Variants in TMOD1 observed in about 807,000 individuals in gnomAD.
TMOD1 encodes the protein tropomodulin 1, also known as tropomodulin-1.
TMOD1 carries 17 observed loss-of-function variants against 40.6 expected under a neutral mutation model. That is an observed-to-expected ratio of 0.42 (90% CI 0.29 to 0.63). The LOEUF (loss-of-function observed/expected upper bound fraction) is 0.63. Among genes scored for constraint, TMOD1 ranks in the 20% least tolerant of loss-of-function variants. The probability of loss-of-function intolerance (pLI) is 0.22; values close to 1 mark genes in which losing one functional copy is unlikely to be tolerated. For missense variants in TMOD1, 391 were observed against 447.6 expected (o/e 0.87, Z 1.14); for synonymous variants, 181 against 175.0 (o/e 1.03, Z -0.27).
intron 2 of TMOD1, among the ~76,000 whole-genome samples, chr9:97,538,044 G>T (rs1830210729): frequency 6.6e-6 from 1 of 152,128 alleles, no homozygotes; most frequent in South Asian, 2.1e-4. Flanking sequence ...AAACTGAGCA[G>T]ATCTAATAAC....
chr9:97,564,529 G>A (rs992208056), intron 6 of TMOD1, among the ~76,000 whole-genome samples: 1 of 152,198 alleles, frequency 6.6e-6, no homozygotes, highest in African/African-American at 2.4e-5. Context: ...GGGATCTCAA[G>A]GCTGGAAAAG....
intron 3 of TMOD1, 141 bp downstream of exon 3, chr9:97,546,482 C>A: frequency 1.3e-6 from 1 of 795,774 alleles, no homozygotes; most frequent in Non-Finnish European, 1.9e-6. Context: ...GCCAAAACAC[C>A]CAAACCCAAC....
At chr9:97,543,586 C>A (rs1221189490) in intron 2 of TMOD1, among the ~76,000 whole-genome samples, 1 of 152,230 alleles carries the variant, frequency 6.6e-6, no homozygotes, top group Non-Finnish European at 1.5e-5. Flanking sequence ...ATTTAGGGGA[C>A]TTGCCCAAGA....
chr9:97,575,009 A>G (rs182139894), intron 8 of TMOD1, among the ~76,000 whole-genome samples: 1 of 152,332 alleles, frequency 6.6e-6, no homozygotes, highest in African/African-American at 2.4e-5. Context: ...GCCAGATAAG[A>G]GAATAAAAGC....
intron 8 of TMOD1, among the ~76,000 whole-genome samples, chr9:97,574,958 G>A (rs151241755): frequency 6.6e-6 from 1 of 152,266 alleles, no homozygotes; most frequent in South Asian, 2.1e-4. Context: ...TGGACCAGTC[G>A]GCTCTCTGTA....
chr9:97,591,304 G>C lies in TMOD1; in HGVS notation c.884G>C (p.Gly295Ala). 6.2e-7 allele frequency: 1 copy of C among 1,613,852 alleles called. No homozygotes were observed. Among genetic ancestry groups the C allele is most frequent in the Non-Finnish European group, 8.5e-7 (1 of 1,179,952 alleles). ...MKIDNQSQPLGNKVEMEIVSM... is the reference protein window; with the variant it reads ...MKIDNQSQPLANKVEMEIVSM... ...TCTTGACTAAAGAGCCAGCCCCTGGGCAACAAAGTGGAAATGGAGATTGTG... is the reference window on the plus strand; with the variant it reads ...TCTTGACTAAAGAGCCAGCCCCTGGCCAACAAAGTGGAAATGGAGATTGTG... Residue 295 changes from glycine to alanine, a missense_variant, in exon 9 of 10, where the codon GGC (glycine) becomes GCC (alanine). By Grantham distance (60) the Gly-to-Ala change is moderately conservative (BLOSUM62 0). Transcript: ENST00000259365.
chr9:97,516,136 T>C (rs1829803460), intron 1 of TMOD1: 2 of 152,228 alleles, frequency 1.3e-5, no homozygotes, highest in Admixed American at 1.3e-4. Flanking sequence ...TGGCCTGAGA[T>C]AGGATTCAGT....
At chr9:97,543,487 A>G (rs1238085503) in intron 2 of TMOD1, among the ~76,000 whole-genome samples, 1 of 152,220 alleles carries the variant, frequency 6.6e-6, no homozygotes, top group East Asian at 1.9e-4. Flanking sequence ...CATTTTCTGC[A>G]TTATCTAGTT....
intron 8 of TMOD1, among the ~76,000 whole-genome samples, chr9:97,572,937 A>G (rs1447835400): frequency 6.6e-6 from 1 of 152,224 alleles, no homozygotes; most frequent in African/African-American, 2.4e-5. Flanking sequence ...GAATTGGGAA[A>G]GGGCAGAGCA....
chr9:97,565,817 G>A (rs1267952714), intron 6 of TMOD1, 31 bp from the exon 7 acceptor site: 2 of 1,576,238 alleles, frequency 1.3e-6, no homozygotes, highest in Non-Finnish European at 1.7e-6. Flanking sequence ...GAGGCTTCTG[G>A]TCACTCTCTC....
At position 97,569,009 on chromosome 9, in the gene TMOD1, C is replaced by T. The variant is rs781120414; in HGVS notation, c.842C>T (p.Ser281Phe). ...GTAGAAGCCCTCCCATACAACACTTCTCTGGTGGAAATGAAAATTGACAAC... is the reference window on the plus strand; with the variant it reads ...GTAGAAGCCCTCCCATACAACACTTTTCTGGTGGAAATGAAAATTGACAAC... Reference protein sequence around the residue: ...RLVEALPYNTSLVEMKIDNQS... With the variant: ...RLVEALPYNTFLVEMKIDNQS... Residue 281 changes from serine to phenylalanine, a missense_variant, in exon 8 of 10, where the codon TCT becomes TTT. Transcript: ENST00000259365. The T allele has an allele frequency of 6.2e-6, 10 of 1,614,184 alleles. No homozygotes were observed. In the South Asian group the frequency reaches 8.8e-5, roughly 14 times the overall value.
chr9:97,524,042 T>A, intron 1 of TMOD1, 99 bp from the exon 2 acceptor site: 1 of 851,724 alleles, frequency 1.2e-6, no homozygotes, highest in African/African-American at 1.7e-5. Flanking sequence ...TGGCAATTCA[T>A]AAAATGTACC....
At chr9:97,581,144 C>T (rs1409658966) in intron 8 of TMOD1, among the ~76,000 whole-genome samples, 11 of 116,596 alleles carry the variant, frequency 9.4e-5, no homozygotes, top group African/African-American at 2.9e-4. Flanking sequence ...TCCCGCCCCC[C>T]TCCCCCCACC....
intron 1 of TMOD1, chr9:97,516,173 TC>T (rs1444750650): frequency 6.6e-6 from 1 of 152,206 alleles, no homozygotes; most frequent in African/African-American, 2.4e-5. Context: ...GGGGTCTGTA[TC>T]CCTGACTGAC....
intron 7 of TMOD1, among the ~76,000 whole-genome samples, chr9:97,567,048 G>A (rs143876240): frequency 1.3e-5 from 2 of 152,360 alleles, no homozygotes; most frequent in African/African-American, 4.8e-5. Flanking sequence ...TAACCATTTA[G>A]TAGCAATCGA....
chr9:97,524,045 A>G (rs1008725225), intron 1 of TMOD1, 96 bp from the exon 2 acceptor site: 54 of 882,524 alleles, frequency 6.1e-5, no homozygotes, highest in Non-Finnish European at 8.1e-5. Context: ...CAATTCATAA[A>G]ATGTACCCAG....
At chr9:97,563,953 AT>A in intron 5 of TMOD1, 84 bp from the exon 6 acceptor site, 1 of 1,520,120 alleles carries the variant, frequency 6.6e-7, no homozygotes, top group South Asian at 1.3e-5. Context: ...AACCCTGCAC[AT>A]GCTCCCTTCC....
In TMOD1 at chr9:97,532,662, C is replaced by T. The variant is rs527413398; in HGVS notation, c.120+8354C>T. Among the ~76,000 whole-genome samples the T allele has an allele frequency of 7.0e-4, 106 of 152,006 alleles. 2 individuals carry two copies. The highest frequency in any genetic ancestry group is 9.7e-4 in the Non-Finnish European group (66 of 67,990). On this transcript the variant is annotated intron_variant, in intron 2 of 9. Transcript: ENST00000259365. ...ACTACAGATAAAATTTAAACCCTGC[C>T]TTTCTGTCTCCCTTTCTATTCATCA...
intron 6 of TMOD1, among the ~76,000 whole-genome samples, chr9:97,564,502 GAC>G (rs1323347781): frequency 6.6e-6 from 1 of 152,204 alleles, no homozygotes; most frequent in Non-Finnish European, 1.5e-5. Flanking sequence ...TCATGAGTCA[GAC>G]ACACGCTGCT....
Sources: allele counts gnomAD v4.1 joint callset (sites outside exome capture counted in the v4.1 genomes callset), GRCh38; gene constraint gnomAD v4.1.1; transcripts MANE v1.5; gene names NCBI Gene and HGNC (gene_info 2026-07-23, HGNC 2026-07-21).